Variants in PPP1R2 observed in about 807,000 individuals in gnomAD.
PPP1R2 encodes the protein protein phosphatase 1 regulatory inhibitor subunit 2.
A neutral mutation model predicts 29.9 loss-of-function variants in PPP1R2; 16 were observed. The observed-to-expected ratio is 0.53, with a 90% CI of 0.36 to 0.81. PPP1R2 has a LOEUF of 0.81. Ranked by LOEUF, PPP1R2 falls within the 30% of genes least tolerant of loss-of-function variation. The pLI, the probability that PPP1R2 is intolerant of heterozygous loss-of-function variation, is 0.00. For synonymous variants in PPP1R2, 76 were observed against 91.5 expected, an observed-to-expected ratio of 0.83 and a Z score of 0.96; for missense variants, 197 against 252.7, an observed-to-expected ratio of 0.78 and a Z score of 1.49.
chr3:195,517,919 A>T lies in PPP1R2; in HGVS notation c.572-977T>A, dbSNP rs149517902. Among the ~76,000 whole-genome samples the T allele has an allele frequency of 9.0e-3, 1,367 of 152,312 alleles. 19 individuals carry two copies. The highest frequency in any genetic ancestry group is 0.031 in the African/African-American group (1,299 of 41,554). ...TACTGTAATCCTGACACTATGAGACAGCAACTCATCAGGCTGTATCATAGA... is the reference window on the plus strand; with the variant it reads ...TACTGTAATCCTGACACTATGAGACTGCAACTCATCAGGCTGTATCATAGA... On this transcript the variant is annotated intron_variant, in intron 5 of 5. Transcript: ENST00000618156.
intron 1 of PPP1R2, among the ~76,000 whole-genome samples, chr3:195,539,128 T>C (rs1275578533): frequency 6.6e-6 from 1 of 152,240 alleles, no homozygotes; most frequent in African/African-American, 2.4e-5. Flanking sequence ...TCTTCCTGGA[T>C]AGTACATCTT....
chr3:195,537,441 C>T (rs1410469175), intron 1 of PPP1R2, among the ~76,000 whole-genome samples: 1 of 142,030 alleles, frequency 7.0e-6, no homozygotes, highest in Non-Finnish European at 1.5e-5. Context: ...CTGTTTGTAA[C>T]GTCCCCAGTA....
chr3:195,536,143 C>T (rs1719373149), intron 1 of PPP1R2, among the ~76,000 whole-genome samples: 1 of 151,990 alleles, frequency 6.6e-6, no homozygotes, highest in Admixed American at 6.6e-5. Flanking sequence ...GGCTTTCAGT[C>T]AACAGGAGGC....
chr3:195,536,905 G>GAA (rs1719411243), intron 1 of PPP1R2, among the ~76,000 whole-genome samples: 1 of 150,518 alleles, frequency 6.6e-6, no homozygotes, highest in Admixed American at 6.6e-5. Context: ...GGGAAAGAAA[G>GAA]AACGCCACAT....
chr3:195,518,961 A>G (rs1315739043), intron 5 of PPP1R2, 57 bp downstream of exon 5: 1 of 1,577,146 alleles, frequency 6.3e-7, no homozygotes, highest in African/African-American at 1.4e-5. Context: ...AATAAAGTAC[A>G]TTATCTTAGG....
At chr3:195,520,411 C>A (rs1718711183) in intron 4 of PPP1R2, among the ~76,000 whole-genome samples, 1 of 152,138 alleles carries the variant, frequency 6.6e-6, no homozygotes, top group Admixed American at 6.5e-5. Context: ...GAGTTCAAGA[C>A]CAGCCTGGGC....
intron 1 of PPP1R2, among the ~76,000 whole-genome samples, chr3:195,530,760 G>A (rs761851366): frequency 6.6e-6 from 1 of 151,014 alleles, no homozygotes; most frequent in Non-Finnish European, 1.5e-5. Flanking sequence ...TCCTGATCTC[G>A]TGATCTGCCT....
At chr3:195,527,251 A>G (rs979570395) in intron 2 of PPP1R2, among the ~76,000 whole-genome samples, 12 of 151,608 alleles carry the variant, frequency 7.9e-5, no homozygotes, top group East Asian at 7.9e-4. Context: ...GGAGTTTGAG[A>G]TCAGCTTGGC....
Position 195,526,183 on chromosome 3 carries a change from T to A in PPP1R2, c.231-1287A>T, listed in dbSNP as rs181250166. ...CCATCACGGCTCACTACAGCCTCAA[T>A]TTCCCGGGCTCAAGTGATACTCCCA... On this transcript the variant is annotated intron_variant, in intron 2 of 5. Coordinates refer to ENST00000618156, the MANE Select transcript of PPP1R2 (RefSeq NM_006241.8). Among the ~76,000 whole-genome samples the A allele has an allele frequency of 2.5e-3, 379 of 151,558 alleles. 3 individuals carry two copies. The highest frequency in any genetic ancestry group is 8.9e-3 in the African/African-American group (367 of 41,290).
rs1719672353 is a variant in PPP1R2 at position 195,543,187 on chromosome 3, A to ACG, written c.-163_-162insCG. On this transcript the variant is annotated 5_prime_UTR_variant, in exon 1 of 6. Coordinates refer to ENST00000618156, the MANE Select transcript of PPP1R2 (RefSeq NM_006241.8). ...AACGGCTACCGCAGCGGTTGTCACG[A>ACG]CACAACGACCCCGACGCCAGAGCCA... 1.4e-5 allele frequency: 14 copies of ACG among 1,011,786 alleles called. 1 individual carries two copies. The South Asian group carries it at 1.7e-4, about 12-fold the overall frequency. 62.7% of individuals were successfully genotyped at this position (1,011,786 alleles called of 1,614,324 possible).
chr3:195,532,156 G>A (rs770570780), intron 1 of PPP1R2, among the ~76,000 whole-genome samples: 4 of 150,862 alleles, frequency 2.7e-5, no homozygotes, highest in Non-Finnish European at 5.9e-5. Flanking sequence ...TCAGCCTCCT[G>A]ACTAGGTGGG....
At chr3:195,533,089 G>A (rs919201399) in intron 1 of PPP1R2, among the ~76,000 whole-genome samples, 2 of 152,138 alleles carry the variant, frequency 1.3e-5, no homozygotes, top group African/African-American at 2.4e-5. Context: ...AGGCACGTCT[G>A]TAATCCCAGC....
intron 2 of PPP1R2, 94 bp from the exon 3 acceptor site, chr3:195,524,990 A>G (rs1718911195): frequency 2.1e-6 from 2 of 966,062 alleles, no homozygotes; most frequent in East Asian, 2.5e-5. Context: ...CCTACTTAAC[A>G]TATCAATATA....
chr3:195,530,549 G>C (rs1004378725), intron 1 of PPP1R2, among the ~76,000 whole-genome samples: 23 of 152,146 alleles, frequency 1.5e-4, no homozygotes, highest in African/African-American at 5.6e-4. Flanking sequence ...GTTTTGAGAC[G>C]GAGTCTCACT....
intron 1 of PPP1R2, among the ~76,000 whole-genome samples, 196 bp from the exon 2 acceptor site, chr3:195,530,097 T>C (rs983462663): frequency 1.3e-5 from 2 of 152,194 alleles, no homozygotes; most frequent in Non-Finnish European, 1.5e-5. Context: ...TCAGTAAATA[T>C]AGAACACCTA....
At chr3:195,542,325 A>G (rs1719627286) in intron 1 of PPP1R2, among the ~76,000 whole-genome samples, 1 of 152,214 alleles carries the variant, frequency 6.6e-6, no homozygotes, top group African/African-American at 2.4e-5. Flanking sequence ...AAGAGCAACT[A>G]AATTACCACT....
chr3:195,542,191 C>A (rs534199565), intron 1 of PPP1R2, among the ~76,000 whole-genome samples: 2 of 152,152 alleles, frequency 1.3e-5, no homozygotes, highest in Non-Finnish European at 2.9e-5. Flanking sequence ...ATTATACAAA[C>A]GTACCGTAAT....
chr3:195,527,868 T>A (rs896686216), intron 2 of PPP1R2: 1 of 373,150 alleles, frequency 2.7e-6, no homozygotes, highest in African/African-American at 2.2e-5. Context: ...AGATCTTGTA[T>A]CTTTTTTTTT....
intron 1 of PPP1R2, 30 bp from the exon 2 acceptor site, chr3:195,529,931 C>T: frequency 3.3e-6 from 5 of 1,496,366 alleles, no homozygotes; most frequent in Non-Finnish European, 4.6e-6. Flanking sequence ...ACGTTTTTCC[C>T]AATGCAGAAA....
Sources: gnomAD v4.1 joint callset for allele counts (sites outside exome capture counted in the v4.1 genomes callset) on GRCh38, gnomAD v4.1.1 for gene constraint, MANE v1.5 for transcripts, NCBI Gene and HGNC (gene_info 2026-07-23, HGNC 2026-07-21) for gene names.